Variants in TENM2 observed in about 807,000 individuals in gnomAD.
TENM2 encodes teneurin-2.
A neutral mutation model predicts 245.2 loss-of-function variants in TENM2; 52 were observed. The ratio of observed to expected loss-of-function variants is 0.21; its 90% CI spans 0.17 to 0.27. TENM2 has a LOEUF of 0.27. Ranked by LOEUF, TENM2 falls within the 10% of genes least tolerant of loss-of-function variation. TENM2 has a pLI of 1.00. For synonymous variants in TENM2, 1,363 were observed against 1,438.9 expected (o/e 0.95, Z 1.19); for missense variants, 3,046 against 3,666.8 (o/e 0.83, Z 4.37).
chr5:167,693,855 T>C (rs1164401182), intron 2 of TENM2, among the ~76,000 whole-genome samples: 9 of 152,174 alleles, frequency 5.9e-5, no homozygotes, highest in Admixed American at 5.2e-4. Context: ...CATCACTGTA[T>C]ATGAAGGCTA....
the TENM2 span, among the ~76,000 whole-genome samples, chr5:167,044,491 A>T: frequency 6.6e-6 from 1 of 152,342 alleles, no homozygotes; most frequent in East Asian, 1.9e-4. Flanking sequence ...GATGAGAAAT[A>T]TGGGTTAGCA....
intron 1 of TENM2, among the ~76,000 whole-genome samples, chr5:167,349,885 A>G (rs1238328948): frequency 6.6e-6 from 1 of 151,726 alleles, no homozygotes; most frequent in Non-Finnish European, 1.5e-5. Flanking sequence ...TATTGCCTAT[A>G]TTGAAAAATT....
At chr5:167,034,647 A>G in the TENM2 span, among the ~76,000 whole-genome samples, 8 of 151,382 alleles carry the variant, frequency 5.3e-5, no homozygotes, top group East Asian at 1.4e-3. Flanking sequence ...AAAAAAAAAA[A>G]AAAAAAGAAA....
chr5:167,545,567 T>C (rs774794076), intron 2 of TENM2, among the ~76,000 whole-genome samples: 2 of 152,218 alleles, frequency 1.3e-5, no homozygotes, highest in African/African-American at 2.4e-5. Flanking sequence ...CAAACACGTA[T>C]GTATGGCTTT....
the TENM2 span, among the ~76,000 whole-genome samples, chr5:167,051,978 G>A: frequency 1.3e-5 from 2 of 151,872 alleles, no homozygotes; most frequent in Admixed American, 6.6e-5. Context: ...TTTTCTTTGC[G>A]CTTTTGAATT....
intron 12 of TENM2, among the ~76,000 whole-genome samples, chr5:168,160,188 CT>C (rs1402738132): frequency 6.6e-6 from 1 of 152,228 alleles, no homozygotes; most frequent in African/African-American, 2.4e-5. Context: ...TGGAGAAATT[CT>C]CTTTTCCTTG....
At chr5:168,175,121 G>C (rs1759241293) in intron 13 of TENM2, among the ~76,000 whole-genome samples, 1 of 152,184 alleles carries the variant, frequency 6.6e-6, no homozygotes, top group East Asian at 1.9e-4. Context: ...TAACGTGTCT[G>C]AGACTCAGTT....
chr5:167,697,751 CT>C lies in TENM2; in HGVS notation c.503-178234del, dbSNP rs575161117. Among the ~76,000 whole-genome samples, 3 of 152,254 alleles carry C rather than the reference CT, an allele frequency of 2.0e-5. 1 individual carries two copies. The South Asian group carries it at 6.2e-4, about 32-fold the overall frequency. ...TGTTGGGCAGGCTGGTCTCGAACTC[CT>C]GACCTCAGGTGATCTGCCCGCCTCA... is the stretch of plus-strand genomic sequence containing the variant. On this transcript the variant is annotated intron_variant, in intron 2 of 28. Transcript: ENST00000518659.
intron 12 of TENM2, among the ~76,000 whole-genome samples, chr5:168,138,355 C>T (rs1427272582): frequency 2.0e-5 from 3 of 152,242 alleles, no homozygotes; most frequent in African/African-American, 7.2e-5. Context: ...GCTTGCTACT[C>T]TGTAAGTGTT....
chr5:167,859,517 GC>G (rs1247418662), intron 2 of TENM2, among the ~76,000 whole-genome samples: 20 of 104,818 alleles, frequency 1.9e-4, no homozygotes, highest in African/African-American at 6.7e-4. Flanking sequence ...GGGGGGGTCA[GC>G]CCCCCCACCC....
intron 25 of TENM2, among the ~76,000 whole-genome samples, chr5:168,235,406 G>A (rs999427584): frequency 6.6e-6 from 1 of 152,226 alleles, no homozygotes; most frequent in African/African-American, 2.4e-5. Flanking sequence ...TTACTTTTGG[G>A]TGGCTTCTGT....
chr5:167,529,261 G>T (rs1771332039), intron 2 of TENM2, among the ~76,000 whole-genome samples: 1 of 152,068 alleles, frequency 6.6e-6, no homozygotes, highest in Non-Finnish European at 1.5e-5. Flanking sequence ...TTCAATTGCA[G>T]CCCCTCTTTC....
chr5:167,888,501 T>C (rs755985507), intron 3 of TENM2, among the ~76,000 whole-genome samples: 3 of 152,174 alleles, frequency 2.0e-5, no homozygotes, highest in Non-Finnish European at 4.4e-5. Context: ...AGGCAGACCC[T>C]TTCTCACATG....
At chr5:166,987,215 A>T in the TENM2 span, among the ~76,000 whole-genome samples, 1 of 152,104 alleles carries the variant, frequency 6.6e-6, no homozygotes, top group Non-Finnish European at 1.5e-5. Flanking sequence ...GAAGGTTGTC[A>T]TTTCTTGGTT....
intron 2 of TENM2, among the ~76,000 whole-genome samples, chr5:167,496,768 A>T (rs991235800): frequency 3.9e-5 from 6 of 152,100 alleles, no homozygotes; most frequent in African/African-American, 1.2e-4. Flanking sequence ...TGTACATGTT[A>T]ACACTGTAGA....
chr5:168,110,951 C>T (rs976687118), intron 9 of TENM2, among the ~76,000 whole-genome samples: 4 of 152,170 alleles, frequency 2.6e-5, no homozygotes, highest in Non-Finnish European at 4.4e-5. Flanking sequence ...TTGCGATCTT[C>T]GTTAACTTCC....
chr5:166,991,522 C>T, the TENM2 span, among the ~76,000 whole-genome samples: 2 of 151,930 alleles, frequency 1.3e-5, no homozygotes, highest in Admixed American at 6.6e-5. Flanking sequence ...TGAGAGAATA[C>T]GTATTATTTT....
intron 2 of TENM2, among the ~76,000 whole-genome samples, chr5:167,512,173 T>C (rs1322899890): frequency 6.6e-6 from 1 of 152,162 alleles, no homozygotes; most frequent in Non-Finnish European, 1.5e-5. Context: ...ATTGCCTAGG[T>C]AATGTAAGGA....
chr5:168,102,961 T>C (rs1164281073), intron 9 of TENM2, among the ~76,000 whole-genome samples: 3 of 152,164 alleles, frequency 2.0e-5, no homozygotes, highest in African/African-American at 4.8e-5. Flanking sequence ...ACATGTGCCA[T>C]GTTGGTGTGC....
Sources: gnomAD v4.1 joint callset for allele counts (sites outside exome capture counted in the v4.1 genomes callset) on GRCh38, gnomAD v4.1.1 for gene constraint, MANE v1.5 for transcripts, NCBI Gene and HGNC (gene_info 2026-07-23, HGNC 2026-07-21) for gene names.